Variants in RGS7 observed in about 807,000 individuals in gnomAD.
The protein encoded by RGS7 is regulator of G-protein signaling 7.
In RGS7, 27 loss-of-function variants were observed where a neutral mutation model predicts 81.1. The observed-to-expected ratio is 0.33, with a 90% CI of 0.25 to 0.46. RGS7 has a LOEUF of 0.46. Ranked by LOEUF, RGS7 falls within the 20% of genes least tolerant of loss-of-function variation. The pLI is 1.00. For synonymous variants in RGS7, 208 were observed against 207.7 expected (o/e 1.00, Z -0.01); for missense variants, 396 against 607.4 (o/e 0.65, Z 3.66).
intron 3 of RGS7, among the ~76,000 whole-genome samples, chr1:241,092,214 T>G (rs2063932398): frequency 6.6e-6 from 1 of 152,220 alleles, no homozygotes; most frequent in Non-Finnish European, 1.5e-5. Flanking sequence ...CACTCAAATA[T>G]GCCTGTAGCC....
intron 2 of RGS7, among the ~76,000 whole-genome samples, chr1:241,110,876 G>A (rs2065467739): frequency 6.6e-6 from 1 of 151,802 alleles, no homozygotes; most frequent in Non-Finnish European, 1.5e-5. Context: ...GTAGAGATGG[G>A]GTTTCACCAT....
chr1:240,851,362 C>G (rs972187540), intron 9 of RGS7, among the ~76,000 whole-genome samples: 2 of 152,108 alleles, frequency 1.3e-5, no homozygotes, highest in Non-Finnish European at 2.9e-5. Flanking sequence ...ATATTTAAAG[C>G]CCAGTGTTGA....
At position 240,999,085 on chromosome 1, in the gene RGS7, G is replaced by A. The variant is rs369711126; in HGVS notation, c.176-15956C>T. Among the ~76,000 whole-genome samples the A allele has an allele frequency of 9.9e-5, 15 of 152,030 alleles. No homozygotes were observed. The East Asian group carries it at 1.2e-3, about 12-fold the overall frequency. ...ACTTAGTGGTTTCTTCCATCTTATC[G>A]ATTTTGCCATTGAGCCCATCCACTG... On this transcript the variant is annotated intron_variant, in intron 3 of 18. Coordinates refer to ENST00000440928, the MANE Select transcript of RGS7 (RefSeq NM_001364886.1).
intron 2 of RGS7, among the ~76,000 whole-genome samples, chr1:241,343,700 G>A (rs10465633): frequency 0.19 from 28,813 of 152,042 alleles, 3,211 homozygotes; most frequent in African/African-American, 0.31. Context: ...GGACTGGTAG[G>A]GGAATGGGAA....
At chr1:240,972,619 C>T (rs1400615894) in intron 4 of RGS7, among the ~76,000 whole-genome samples, 2 of 141,104 alleles carry the variant, frequency 1.4e-5, no homozygotes, top group Non-Finnish European at 3.1e-5. Flanking sequence ...GTGGGTGCAG[C>T]GCACCAGCAT....
chr1:241,016,296 G>C (rs2059219477), intron 3 of RGS7, among the ~76,000 whole-genome samples: 1 of 152,126 alleles, frequency 6.6e-6, no homozygotes, highest in African/African-American at 2.4e-5. Context: ...AAGGTGGTCT[G>C]ATTATGAGGT....
rs2060193303 is a variant in RGS7 at position 241,033,597 on chromosome 1, ATTCT to A, written c.176-50472_176-50469del. Among the ~76,000 whole-genome samples, 4 of 151,926 alleles carry A rather than the reference ATTCT, an allele frequency of 2.6e-5. No homozygotes were observed. In the South Asian group the frequency reaches 8.3e-4, roughly 32 times the overall value. ...TATTTATTTTTTACTGCCCTTTACT[ATTCT>A]TTTTTAGTTTTGGTGATAAAATGTC... On this transcript the variant is annotated intron_variant, in intron 3 of 18. Transcript: ENST00000440928.
intron 2 of RGS7, among the ~76,000 whole-genome samples, chr1:241,216,617 T>C (rs570456154): frequency 6.6e-6 from 1 of 152,198 alleles, no homozygotes; most frequent in Non-Finnish European, 1.5e-5. Flanking sequence ...AACATGTCTA[T>C]CCCAACCCTT....
intron 3 of RGS7, among the ~76,000 whole-genome samples, chr1:241,062,350 A>G (rs941890832): frequency 2.6e-5 from 4 of 152,190 alleles, no homozygotes; most frequent in Non-Finnish European, 5.9e-5. Flanking sequence ...TGGCCGGCCA[A>G]CAACCATACT....
At chr1:241,210,181 G>A (rs113024212) in intron 2 of RGS7, among the ~76,000 whole-genome samples, 20 of 151,890 alleles carry the variant, frequency 1.3e-4, no homozygotes, top group Admixed American at 3.3e-4. Flanking sequence ...ATGGAGTCTC[G>A]CCCTGTTGCC....
chr1:241,311,810 A>G (rs1165369370), intron 2 of RGS7, among the ~76,000 whole-genome samples: 1 of 152,216 alleles, frequency 6.6e-6, no homozygotes, highest in Non-Finnish European at 1.5e-5. Flanking sequence ...CTGTATCATG[A>G]TATGTGTCCC....
At chr1:240,996,527 T>C (rs1298142838) in intron 3 of RGS7, among the ~76,000 whole-genome samples, 2 of 152,192 alleles carry the variant, frequency 1.3e-5, no homozygotes, top group Non-Finnish European at 2.9e-5. Context: ...CTTGGAAAAA[T>C]GAGCTCCTCA....
intron 2 of RGS7, among the ~76,000 whole-genome samples, chr1:241,139,236 C>T (rs1241765729): frequency 6.6e-6 from 1 of 151,068 alleles, no homozygotes; most frequent in Non-Finnish European, 1.5e-5. Flanking sequence ...CTCTCCCTCC[C>T]TTCTCTTTCC....
At chr1:241,282,890 A>C (rs1311276851) in intron 2 of RGS7, among the ~76,000 whole-genome samples, 1 of 152,146 alleles carries the variant, frequency 6.6e-6, no homozygotes, top group African/African-American at 2.4e-5. Context: ...TGTGTATAAA[A>C]TTTCATTTTC....
At chr1:241,089,208 T>G (rs993763709) in intron 3 of RGS7, among the ~76,000 whole-genome samples, 6 of 149,370 alleles carry the variant, frequency 4.0e-5, no homozygotes, top group Non-Finnish European at 7.4e-5. Flanking sequence ...TGACCAGAGT[T>G]GCCATGGAAA....
chr1:240,775,000 G>A (rs1481501845), downstream of RGS7, among the ~76,000 whole-genome samples: 1 of 152,124 alleles, frequency 6.6e-6, no homozygotes, highest in African/African-American at 2.4e-5. Context: ...TTATATTAGT[G>A]ACTTGAGCAT....
At chr1:240,972,084 T>A (rs561520044) in intron 4 of RGS7, among the ~76,000 whole-genome samples, 8 of 152,224 alleles carry the variant, frequency 5.3e-5, no homozygotes, top group African/African-American at 1.4e-4. Context: ...ATGCAACAGG[T>A]AAATATAACA....
At position 241,259,667 on chromosome 1, in the gene RGS7, A is replaced by AATAT. The variant is rs59037983; in HGVS notation, c.78+96028_78+96031dup. Among the ~76,000 whole-genome samples the AATAT allele has an allele frequency of 6.3e-3, 310 of 48,982 alleles. 11 individuals are homozygous for AATAT. Among genetic ancestry groups the AATAT allele is most frequent in the Middle Eastern group, 0.044 (3 of 68 alleles). The allele number at this position is 48,982 out of a possible 152,430, so 32.1% of individuals were successfully genotyped here. ...CTCCGTCTCAAAAAAAAAAAAAAAA[A>AATAT]ATATATATATATATATATAATTAAA... On this transcript the variant is annotated intron_variant, in intron 2 of 18. Transcript: ENST00000440928.
chr1:241,067,251 T>A (rs888452797), intron 3 of RGS7, among the ~76,000 whole-genome samples: 2 of 152,184 alleles, frequency 1.3e-5, no homozygotes, highest in African/African-American at 2.4e-5. Flanking sequence ...TTTCGAAGTA[T>A]AAGGATTGTG....
Sources: gnomAD v4.1 joint callset for allele counts (sites outside exome capture counted in the v4.1 genomes callset) on GRCh38, gnomAD v4.1.1 for gene constraint, MANE v1.5 for transcripts, NCBI Gene and HGNC (gene_info 2026-07-23, HGNC 2026-07-21) for gene names.